Variants in ELAPOR1 observed in about 807,000 individuals in gnomAD.
ELAPOR1 encodes endosome-lysosome associated apoptosis and autophagy regulator 1, also known as endosome/lysosome-associated apoptosis and autophagy regulator 1.
Under a neutral mutation model 119.7 loss-of-function variants are expected in ELAPOR1, and 77 were observed. The ratio of observed to expected loss-of-function variants is 0.64; its 90% CI spans 0.54 to 0.78. ELAPOR1 has a LOEUF of 0.78. Among genes scored for constraint, ELAPOR1 ranks in the 30% least tolerant of loss-of-function variants. ELAPOR1 has a pLI of 0.00. For missense variants in ELAPOR1, 1,115 were observed against 1,270.4 expected (o/e 0.88, Z 1.86); for synonymous variants, 481 against 487.2 (o/e 0.99, Z 0.17).
At position 109,114,154 on chromosome 1, in the gene ELAPOR1, C is replaced by T. The variant is rs749412865; in HGVS notation, c.-30C>T. On this transcript the variant is annotated 5_prime_UTR_variant, in exon 1 of 22. Coordinates refer to ENST00000369939, the MANE Select transcript of ELAPOR1 (RefSeq NM_020775.5). The stretch of plus-strand genomic sequence containing the variant: ...AGAAGCAGCAGCCGCAGCACCTGAG[C>T]CGCTACTGCCGCTCACTCAGGACAA... 9 of 1,513,776 alleles carry T rather than the reference C, an allele frequency of 5.9e-6. No individual in the cohort carries two copies. In the African/African-American group the frequency reaches 1.3e-4, roughly 21 times the overall value. 93.8% of individuals were successfully genotyped at this position (1,513,776 alleles called of 1,614,324 possible).
At chr1:109,190,603 T>G (rs1333726337) in intron 11 of ELAPOR1, among the ~76,000 whole-genome samples, 1 of 152,214 alleles carries the variant, frequency 6.6e-6, no homozygotes, top group Non-Finnish European at 1.5e-5. Flanking sequence ...CACACATTAC[T>G]CAGAGCTAGC....
intron 1 of ELAPOR1, among the ~76,000 whole-genome samples, chr1:109,144,061 A>ATATATATTTTTTTTT: frequency 1.1e-4 from 10 of 89,016 alleles, no homozygotes; most frequent in African/African-American, 3.4e-4. Flanking sequence ...ATATTTATAT[A>ATATATATTTTTTTTT]TTTTTTTTTT....
intron 7 of ELAPOR1, 76 bp from the exon 8 acceptor site, chr1:109,184,969 C>A: frequency 9.0e-7 from 1 of 1,116,960 alleles, no homozygotes; most frequent in Non-Finnish European, 1.4e-6. Flanking sequence ...ACTTGGGAGT[C>A]ACAGGGCCAT....
At chr1:109,133,933 A>G (rs1308245463) in intron 1 of ELAPOR1, among the ~76,000 whole-genome samples, 1 of 152,182 alleles carries the variant, frequency 6.6e-6, no homozygotes, top group African/African-American at 2.4e-5. Context: ...TTTTGGATCC[A>G]GGCCATTTCT....
chr1:109,127,958 C>T (rs569154331), intron 1 of ELAPOR1, among the ~76,000 whole-genome samples: 1 of 152,004 alleles, frequency 6.6e-6, no homozygotes, highest in South Asian at 2.1e-4. Context: ...ACTGCAACCT[C>T]CACCTCCTGG....
chr1:109,183,161 G>C (rs978321689), intron 7 of ELAPOR1, among the ~76,000 whole-genome samples: 12 of 151,732 alleles, frequency 7.9e-5, no homozygotes, highest in Admixed American at 3.9e-4. Context: ...TTTCAAAAGA[G>C]TTTTTAAAAT....
chr1:109,197,684 T>TGAGA lies in ELAPOR1; in HGVS notation c.2302+32_2302+35dup, dbSNP rs375471602. 4,913 of 1,493,780 alleles carry TGAGA rather than the reference T, an allele frequency of 3.3e-3. 33 individuals carry two copies. The highest frequency in any genetic ancestry group is 0.029 in the South Asian group (2,316 of 80,262). 92.5% of individuals were successfully genotyped at this position (1,493,780 alleles called of 1,614,324 possible). A position where few individuals can be genotyped will look rare whatever the true frequency, so the allele number is the denominator to read the frequency against. ...GTAACTCCGCTGCCTCAGCCTTGTT[T>TGAGA]GAGAGTGTGTGTGTGTGTGTGTGTG... On this transcript the variant is annotated intron_variant, in intron 16 of 21. Coordinates refer to ENST00000369939, the MANE Select transcript of ELAPOR1 (RefSeq NM_020775.5).
chr1:109,115,037 C>G (rs978741936), intron 1 of ELAPOR1, among the ~76,000 whole-genome samples: 1 of 152,170 alleles, frequency 6.6e-6, no homozygotes, highest in African/African-American at 2.4e-5. Context: ...TCTGACTTAA[C>G]ATATGTCAAA....
At chr1:109,187,178 A>G in intron 8 of ELAPOR1, 1 of 985,506 alleles carries the variant, frequency 1.0e-6, no homozygotes, top group Non-Finnish European at 1.2e-6. Flanking sequence ...CTCAGGGACC[A>G]GGATGGCCCA....
chr1:109,159,604 T>G (rs890719225), intron 1 of ELAPOR1, among the ~76,000 whole-genome samples: 1 of 152,230 alleles, frequency 6.6e-6, no homozygotes, highest in Non-Finnish European at 1.5e-5. Flanking sequence ...AGTCTGTGTT[T>G]GGTCAGAGTC....
chr1:109,123,992 A>G (rs193190539), intron 1 of ELAPOR1, among the ~76,000 whole-genome samples: 1 of 152,036 alleles, frequency 6.6e-6, no homozygotes, highest in Non-Finnish European at 1.5e-5. Context: ...TAGTAGAGAC[A>G]GGGTTTCACC....
At chr1:109,145,921 C>T (rs933451728) in intron 1 of ELAPOR1, among the ~76,000 whole-genome samples, 2 of 152,098 alleles carry the variant, frequency 1.3e-5, no homozygotes, top group African/African-American at 4.8e-5. Flanking sequence ...GTCCAACTTA[C>T]ATCTAGTGGG....
Position 109,189,202 on chromosome 1 carries a change from C to T in ELAPOR1, c.1348+8C>T. The T allele has an allele frequency of 6.2e-7, 1 of 1,612,560 alleles. No homozygotes were observed. Among genetic ancestry groups the T allele is most frequent in the Non-Finnish European group, 8.5e-7 (1 of 1,179,310 alleles). On this transcript the variant is annotated splice_region_variant and intron_variant, in intron 10 of 21. Transcript: ENST00000369939. The stretch of plus-strand genomic sequence containing the variant: ...AGTACAAGGGCATGACAGGTAATTG[C>T]CTCTCCCTGTGCCATGAGCTGTCAG...
intron 17 of ELAPOR1, 30 bp from the exon 18 acceptor site, chr1:109,198,543 T>C: frequency 6.3e-7 from 1 of 1,577,288 alleles, no homozygotes; most frequent in Non-Finnish European, 8.7e-7. Flanking sequence ...GAGTGACTCA[T>C]TCCCTCATGG....
At chr1:109,183,564 C>T (rs796372425) in intron 7 of ELAPOR1, among the ~76,000 whole-genome samples, 2 of 9,752 alleles carry the variant, frequency 2.1e-4, no homozygotes, top group Non-Finnish European at 4.3e-4. Flanking sequence ...TTCCTTCCTT[C>T]CTTCCTTCCT....
At position 109,197,990 on chromosome 1, in the gene ELAPOR1, G is replaced by T. The variant is rs1172404639; in HGVS notation, c.2314G>T (p.Asp772Tyr). The change falls in exon 17 of 22, where the codon GAT (aspartate) becomes TAT (tyrosine). Residue 772 changes from aspartate to tyrosine, a missense_variant. Physicochemically the swap from Asp to Tyr is radical, Grantham distance 160 (BLOSUM62 -3). Transcript: ENST00000369939. ...CTCTAATTTGGCAGGGGTGACAACA[G>T]ATATGACTCTGGATGGAATCACCTC... ...LADRLIGVTT[D>Y]MTLDGITSPA... 2 of 1,614,040 alleles carry T rather than the reference G, an allele frequency of 1.2e-6. No homozygotes were observed. Among genetic ancestry groups the T allele is most frequent in the Non-Finnish European group, 1.7e-6 (2 of 1,179,996 alleles).
chr1:109,155,180 TA>T (rs899760282), intron 1 of ELAPOR1, among the ~76,000 whole-genome samples: 1 of 151,960 alleles, frequency 6.6e-6, no homozygotes, highest in Admixed American at 6.6e-5. Flanking sequence ...CATCATTATA[TA>T]TATATATTTT....
chr1:109,197,175 T>A (rs1653857470), intron 15 of ELAPOR1, among the ~76,000 whole-genome samples: 1 of 150,036 alleles, frequency 6.7e-6, no homozygotes, highest in South Asian at 2.1e-4. Context: ...CGGTTCCAGC[T>A]ACTTAGGAGG....
intron 3 of ELAPOR1, among the ~76,000 whole-genome samples, chr1:109,168,474 C>T (rs1651721848): frequency 1.3e-5 from 2 of 152,138 alleles, no homozygotes; most frequent in South Asian, 2.1e-4. Flanking sequence ...ACCAGCTGAA[C>T]GGAGTCTCCA....
Sources: allele counts gnomAD v4.1 joint callset (sites outside exome capture counted in the v4.1 genomes callset), GRCh38; gene constraint gnomAD v4.1.1; transcripts MANE v1.5; gene names NCBI Gene and HGNC (gene_info 2026-07-23, HGNC 2026-07-21).